The following PIK3CB variants were observed in gnomAD, a reference collection of about 807,000 sequenced individuals.
The protein encoded by PIK3CB is phosphatidylinositol-4,5-bisphosphate 3-kinase catalytic subunit beta.
PIK3CB carries 39 observed loss-of-function variants against 136.8 expected under a neutral mutation model. The ratio of observed to expected loss-of-function variants is 0.29; its 90% CI spans 0.22 to 0.37. The LOEUF is 0.37. PIK3CB is among the 10% of genes least tolerant of loss of function. The probability of loss-of-function intolerance (pLI) is 1.00; values close to 1 mark genes in which losing one functional copy is unlikely to be tolerated. For missense variants in PIK3CB, 868 were observed against 1,275.4 expected (o/e 0.68, Z 4.87); for synonymous variants, 428 against 436.6 (o/e 0.98, Z 0.25).
At chr3:138,672,231 T>C (rs998519769) in intron 19 of PIK3CB, among the ~76,000 whole-genome samples, 6 of 151,940 alleles carry the variant, frequency 3.9e-5, no homozygotes, top group African/African-American at 1.5e-4. Context: ...TGATGTGGCA[T>C]GAAAGTTTCC....
chr3:138,813,663 C>T (rs374802831), intron 1 of PIK3CB, among the ~76,000 whole-genome samples: 51 of 152,066 alleles, frequency 3.4e-4, no homozygotes, highest in African/African-American at 9.6e-4. Flanking sequence ...GTGATCTGCC[C>T]GCCTCGGTCT....
At position 138,693,461 on chromosome 3, in the gene PIK3CB, C is replaced by T. The variant is rs547816768; in HGVS notation, c.1892+1325G>A. 2.4e-4 allele frequency among the ~76,000 whole-genome samples: 36 copies of T among 151,940 alleles called. 1 individual carries two copies. The South Asian group carries it at 6.8e-3, about 29-fold the overall frequency. On this transcript the variant is annotated intron_variant, in intron 14 of 23. Transcript: ENST00000674063. ...TCAACCAGGCTGGAGTGCAGTGGTA[C>T]GATCTCTGCCCACTGCAACCTCTGC...
At position 138,678,963 on chromosome 3, in the gene PIK3CB, G is replaced by C. The variant is rs534812888; in HGVS notation, c.2504+3004C>G. On this transcript the variant is annotated intron_variant, in intron 19 of 23. Transcript: ENST00000674063. ...TGCCTGTAATCCCAGCTACTCGGGA[G>C]GCTGAGGTATGAGAATTGCTTGAAC... Among the ~76,000 whole-genome samples, 30 of 152,148 alleles carry C rather than the reference G, an allele frequency of 2.0e-4. 1 individual carries two copies. Among genetic ancestry groups the C allele is most frequent in the Non-Finnish European group, 3.8e-4 (26 of 68,026 alleles).
chr3:138,748,051 G>C (rs936014246), intron 4 of PIK3CB, among the ~76,000 whole-genome samples: 2 of 151,970 alleles, frequency 1.3e-5, no homozygotes, highest in Non-Finnish European at 2.9e-5. Context: ...AATACCCTGT[G>C]CTGGAAGGGG....
intron 8 of PIK3CB, among the ~76,000 whole-genome samples, chr3:138,717,253 CAA>C (rs538932107): frequency 6.1e-4 from 48 of 78,722 alleles, no homozygotes; most frequent in Non-Finnish European, 4.9e-4. Context: ...GACGCTGTCT[CAA>C]AAAAAAAAAA....
At chr3:138,710,893 G>GC (rs1158748808) in intron 10 of PIK3CB, among the ~76,000 whole-genome samples, 1 of 151,660 alleles carries the variant, frequency 6.6e-6, no homozygotes, top group Non-Finnish European at 1.5e-5. Context: ...GACGATCCTG[G>GC]CTAACACTGT....
intron 16 of PIK3CB, among the ~76,000 whole-genome samples, chr3:138,685,711 TA>T (rs759588952): frequency 2.6e-5 from 4 of 152,174 alleles, no homozygotes; most frequent in Non-Finnish European, 5.9e-5. Flanking sequence ...TGCTATTTGT[TA>T]TTCAAATCTA....
At chr3:138,781,854 C>T (rs557438112) in intron 2 of PIK3CB, among the ~76,000 whole-genome samples, 13 of 152,156 alleles carry the variant, frequency 8.5e-5, no homozygotes, top group South Asian at 6.2e-4. Context: ...GCCAGGCAGT[C>T]GAGGCTACAG....
chr3:138,679,480 G>T (rs1166727422), intron 19 of PIK3CB, among the ~76,000 whole-genome samples: 1 of 151,900 alleles, frequency 6.6e-6, no homozygotes, highest in African/African-American at 2.4e-5. Flanking sequence ...AATAGTTCAG[G>T]AGTCAATAAG....
At chr3:138,708,099 G>GA (rs1253826016) in intron 10 of PIK3CB, among the ~76,000 whole-genome samples, 11 of 151,234 alleles carry the variant, frequency 7.3e-5, no homozygotes, top group African/African-American at 2.2e-4. Context: ...ATCTCCTAAG[G>GA]AAAAAAAATA....
At chr3:138,788,964 CAAAAAAAAAAAAA>C (rs57432821) in intron 2 of PIK3CB, among the ~76,000 whole-genome samples, 4 of 89,494 alleles carry the variant, frequency 4.5e-5, no homozygotes, top group Admixed American at 1.2e-4. Flanking sequence ...GACTTCGTCT[CAAAAAAAAAAAAA>C]AAAAAAAAAA....
intron 4 of PIK3CB, among the ~76,000 whole-genome samples, chr3:138,751,467 A>G (rs2108703179): frequency 6.6e-6 from 1 of 152,118 alleles, no homozygotes; most frequent in African/African-American, 2.4e-5. Flanking sequence ...CAAAAAAAAA[A>G]AAGAAATTTT....
At chr3:138,670,305 G>A (rs2043507869) in intron 19 of PIK3CB, among the ~76,000 whole-genome samples, 1 of 152,204 alleles carries the variant, frequency 6.6e-6, no homozygotes, top group African/African-American at 2.4e-5. Flanking sequence ...TGAAGCTCAT[G>A]ATATGGCCTG....
intron 8 of PIK3CB, among the ~76,000 whole-genome samples, chr3:138,728,779 CAAA>C (rs71146138): frequency 3.7e-5 from 4 of 107,208 alleles, no homozygotes; most frequent in Non-Finnish European, 5.8e-5. Context: ...GACTCCGTCT[CAAA>C]AAAAAAAAAA....
At chr3:138,691,167 G>T in intron 14 of PIK3CB, 24 bp from the exon 15 acceptor site, 1 of 1,604,716 alleles carries the variant, frequency 6.2e-7, no homozygotes, top group South Asian at 1.1e-5. Flanking sequence ...AAGACACAGT[G>T]AGTAACCAAA....
chr3:138,750,298 A>G (rs1414238601), intron 4 of PIK3CB, among the ~76,000 whole-genome samples: 2 of 152,150 alleles, frequency 1.3e-5, no homozygotes, highest in East Asian at 3.8e-4. Flanking sequence ...ATTCTCTCAT[A>G]AATATTTTGA....
intron 4 of PIK3CB, among the ~76,000 whole-genome samples, chr3:138,744,192 G>A (rs1485641976): frequency 6.6e-6 from 1 of 151,534 alleles, no homozygotes; most frequent in Non-Finnish European, 1.5e-5. Context: ...AGGAGTTCGA[G>A]ACCAGCCTTA....
chr3:138,667,987 G>C lies in PIK3CB; in HGVS notation c.2505-2784C>G, dbSNP rs1038606849. ...GGAGGCTGAGGCAGGAGAATTGCTT[G>C]AACCCAGGAGGCGGAGGTTACAGCG... is the stretch of plus-strand genomic sequence containing the variant. On this transcript the variant is annotated intron_variant, in intron 19 of 23. Coordinates refer to ENST00000674063, the MANE Select transcript of PIK3CB (RefSeq NM_006219.3). 4.0e-5 allele frequency among the ~76,000 whole-genome samples: 6 copies of C among 151,844 alleles called. No individual in the cohort carries two copies. The East Asian group carries it at 1.2e-3, about 30-fold the overall frequency.
chr3:138,698,574 G>A (rs2044184479), intron 13 of PIK3CB, among the ~76,000 whole-genome samples: 1 of 152,130 alleles, frequency 6.6e-6, no homozygotes, highest in African/African-American at 2.4e-5. Context: ...ATTGCAAAGA[G>A]TCTAAAAGAT....
Sources: gnomAD v4.1 joint callset for allele counts (sites outside exome capture counted in the v4.1 genomes callset) on GRCh38, gnomAD v4.1.1 for gene constraint, MANE v1.5 for transcripts, NCBI Gene and HGNC (gene_info 2026-07-23, HGNC 2026-07-21) for gene names.